Variants in FREM1 observed in about 807,000 individuals in gnomAD.
FREM1 encodes the protein FRAS1-related extracellular matrix protein 1.
Under a neutral mutation model 210.1 loss-of-function variants are expected in FREM1, and 220 were observed. The observed-to-expected ratio is 1.05, with a 90% CI of 0.94 to 1.17. FREM1 has a LOEUF of 1.17. Among genes scored for constraint, FREM1 ranks in the 50% most tolerant of loss-of-function variants. The pLI, the probability that FREM1 is intolerant of heterozygous loss-of-function variation, is 0.00. For missense variants in FREM1, 3,454 were observed against 2,675.5 expected (o/e 1.29, Z -6.42); for synonymous variants, 1,189 against 980.2 (o/e 1.21, Z -3.98).
chr9:14,782,538 A>C (rs1355365154), intron 24 of FREM1, among the ~76,000 whole-genome samples: 2 of 152,218 alleles, frequency 1.3e-5, no homozygotes, highest in Non-Finnish European at 2.9e-5. Flanking sequence ...TGTAAAATTA[A>C]AAGCCCTGGA....
At chr9:14,806,452 C>T (rs1200744323) in intron 18 of FREM1, among the ~76,000 whole-genome samples, 2 of 152,022 alleles carry the variant, frequency 1.3e-5, no homozygotes, top group Non-Finnish European at 2.9e-5. Flanking sequence ...AGGGGTTTCA[C>T]CACATTGGTC....
chr9:14,843,809 G>T (rs1038916190), intron 8 of FREM1, among the ~76,000 whole-genome samples: 3 of 151,566 alleles, frequency 2.0e-5, no homozygotes, highest in Non-Finnish European at 4.4e-5. Flanking sequence ...CAGAAATTCA[G>T]GGGTGGGTGG....
rs1437014853 is a variant in FREM1, at chr9:14,813,044, C to T, written c.2661G>A (p.Glu887=). The change falls in exon 16 of 37, where the codon GAG becomes GAA. Residue 887 remains glutamate, a synonymous_variant. Coordinates refer to ENST00000380880, the MANE Select transcript of FREM1 (RefSeq NM_001379081.2). The part of the protein sequence containing the change: ...LHVEVFPVND[E]PPVLKADLMP... Reference sequence around the variant, plus strand: ...TGAGGTCAGCCTTTAAGACTGGTGGCTCATCGTTGACAGGGAATACCTAGG... The same window carrying T: ...TGAGGTCAGCCTTTAAGACTGGTGGTTCATCGTTGACAGGGAATACCTAGG... The T allele has an allele frequency of 1.2e-6, 2 of 1,609,930 alleles. No individual in the cohort carries two copies. Among genetic ancestry groups the T allele is most frequent in the Non-Finnish European group, 1.7e-6 (2 of 1,177,004 alleles).
At position 14,747,667 on chromosome 9, in the gene FREM1, G is replaced by C. The variant is rs1842713811; in HGVS notation, c.5844+14C>G. On this transcript the variant is annotated intron_variant, in intron 32 of 36. Transcript: ENST00000380880. ...TAAATATAAGAAATTTAGCAATTCT[G>C]TGACTACACTTACATTATAGATGAT... 1 of 1,474,570 alleles carries C rather than the reference G, an allele frequency of 6.8e-7. No homozygotes were observed. The highest frequency in any genetic ancestry group is 1.4e-5 in the South Asian group (1 of 73,594). 91.3% of individuals were successfully genotyped at this position (1,474,570 alleles called of 1,614,324 possible).
chr9:14,846,869 C>T (rs918705404), intron 7 of FREM1, among the ~76,000 whole-genome samples: 1 of 152,182 alleles, frequency 6.6e-6, no homozygotes, highest in Non-Finnish European at 1.5e-5. Context: ...GCTGCAGCCG[C>T]CCCATGAGGG....
chr9:14,905,290 T>C (rs974078266), intron 1 of FREM1, among the ~76,000 whole-genome samples: 1 of 152,106 alleles, frequency 6.6e-6, no homozygotes, highest in African/African-American at 2.4e-5. Flanking sequence ...GAGTGCACAC[T>C]CCTCCACATG....
At chr9:14,861,631 C>A (rs770096316) in intron 3 of FREM1, among the ~76,000 whole-genome samples, 2 of 151,234 alleles carry the variant, frequency 1.3e-5, no homozygotes, top group Non-Finnish European at 2.9e-5. Context: ...CTTAGCCTCC[C>A]GAATAGCTGG....
Position 14,823,288 on chromosome 9 carries a change from T to G in FREM1, c.2209A>C (p.Met737Leu). Residue 737 changes from methionine (M) to leucine (L), a missense_variant, in exon 13 of 37, where the codon ATG (methionine) becomes CTG (leucine). Physicochemically the swap from Met to Leu is conservative, Grantham distance 15. Coordinates refer to ENST00000380880, the MANE Select transcript of FREM1 (RefSeq NM_001379081.2). ...NYMKVAYMPP[M>L]QDIGPHCRDV... Reference sequence around the variant, plus strand: ...CTGCAATGGGGACCAATGTCTTGCATGGGGGGCATGTAGGCCACTTTCATA... The same window carrying G: ...CTGCAATGGGGACCAATGTCTTGCAGGGGGGGCATGTAGGCCACTTTCATA... The G allele has an allele frequency of 6.2e-7, 1 of 1,613,916 alleles. No individual in the cohort carries two copies. The highest frequency in any genetic ancestry group is 1.1e-5 in the South Asian group (1 of 91,070).
chr9:14,769,078 G>C (rs1193026410), intron 27 of FREM1, among the ~76,000 whole-genome samples: 1 of 152,174 alleles, frequency 6.6e-6, no homozygotes, highest in Non-Finnish European at 1.5e-5. Context: ...AAAGTCTAGA[G>C]TAGGGACCCA....
chr9:14,861,415 G>C (rs1011543030), intron 3 of FREM1, among the ~76,000 whole-genome samples: 2 of 148,104 alleles, frequency 1.4e-5, no homozygotes, highest in African/African-American at 5.0e-5. Flanking sequence ...GGGTACATGA[G>C]ATACTTTCAT....
At chr9:14,783,720 T>C (rs1170565850) in intron 24 of FREM1, among the ~76,000 whole-genome samples, 8 of 152,226 alleles carry the variant, frequency 5.3e-5, no homozygotes, top group Non-Finnish European at 7.3e-5. Context: ...TAATGTTGTA[T>C]CTTTGCCTTT....
intron 27 of FREM1, among the ~76,000 whole-genome samples, chr9:14,765,027 TTAAG>T (rs1846140558): frequency 6.6e-6 from 1 of 152,208 alleles, no homozygotes; most frequent in Non-Finnish European, 1.5e-5. Flanking sequence ...TGAATTCTCA[TTAAG>T]TATTTTGAGC....
chr9:14,776,023 G>C lies in FREM1; in HGVS notation c.4623C>G (p.Asn1541Lys), dbSNP rs1186891430. Residue 1541 changes from asparagine to lysine, a missense_variant, in exon 25 of 37, where the codon AAC (asparagine) becomes AAG (lysine). By Grantham distance (94) the Asn-to-Lys change is moderately conservative. Coordinates refer to ENST00000380880, the MANE Select transcript of FREM1 (RefSeq NM_001379081.2). ...QLTDPDTPAE[N>K]LTFLLVQLPQ... is the part of the protein sequence containing the mutation. ...GGAGCTGAACCAAGAGGAAGGTGAG[G>C]TTCTCCGCAGGTGTATCAGGGTCGG... 1.9e-6 allele frequency: 3 copies of C among 1,613,906 alleles called. No individual in the cohort carries two copies. Among genetic ancestry groups the C allele is most frequent in the South Asian group, 2.2e-5 (2 of 91,090 alleles).
At chr9:14,766,104 A>C (rs1846354286) in intron 27 of FREM1, among the ~76,000 whole-genome samples, 1 of 152,150 alleles carries the variant, frequency 6.6e-6, no homozygotes, top group Non-Finnish European at 1.5e-5. Context: ...TCTGGAGGTC[A>C]GGGTTCACTC....
intron 27 of FREM1, among the ~76,000 whole-genome samples, chr9:14,767,792 T>C (rs755027048): frequency 1.1e-4 from 16 of 152,110 alleles, no homozygotes; most frequent in Admixed American, 2.0e-4. Flanking sequence ...CCATCGCTTA[T>C]AAAGAAAATA....
intron 1 of FREM1, among the ~76,000 whole-genome samples, chr9:14,878,378 G>T (rs10810280): frequency 6.6e-6 from 1 of 151,350 alleles, no homozygotes; most frequent in African/African-American, 2.4e-5. Flanking sequence ...TGACTTGAAC[G>T]TTCTTCCCCC....
Position 14,851,169 on chromosome 9 carries a change from T to C in FREM1, c.1152+115A>G. On this transcript the variant is annotated intron_variant, in intron 6 of 36. Coordinates refer to ENST00000380880, the MANE Select transcript of FREM1 (RefSeq NM_001379081.2). ...GAGTGTGCATCCTGATTTACAGTGA[T>C]TGATTCTTTTCTGAGGCAATGAATG... is the stretch of plus-strand genomic sequence containing the variant. 9.0e-6 allele frequency: 7 copies of C among 774,764 alleles called. No individual in the cohort carries two copies. In the South Asian group the frequency reaches 9.8e-5, roughly 11 times the overall value. 48.0% of individuals were successfully genotyped at this position (774,764 alleles called of 1,614,324 possible).
intron 1 of FREM1, among the ~76,000 whole-genome samples, chr9:14,907,175 C>T (rs910590228): frequency 6.6e-6 from 1 of 151,686 alleles, no homozygotes; most frequent in Admixed American, 6.6e-5. Context: ...GTTTTCCACT[C>T]AAACATATTA....
chr9:14,824,421 C>T (rs1821958329), intron 11 of FREM1, among the ~76,000 whole-genome samples: 2 of 152,132 alleles, frequency 1.3e-5, no homozygotes, highest in African/African-American at 4.8e-5. Flanking sequence ...TATATTCATG[C>T]CATTTTTCTA....
Sources: allele counts gnomAD v4.1 joint callset (sites outside exome capture counted in the v4.1 genomes callset), GRCh38; gene constraint gnomAD v4.1.1; transcripts MANE v1.5; gene names NCBI Gene and HGNC (gene_info 2026-07-23, HGNC 2026-07-21).